ZNF75A: variants seen among roughly 807,000 people sequenced by gnomAD.
ZNF75A encodes the protein zinc finger protein 75A.
In ZNF75A, 36 loss-of-function variants were observed where a neutral mutation model predicts 46.3. The ratio of observed to expected loss-of-function variants is 0.78; its 90% CI spans 0.60 to 1.03. ZNF75A has a LOEUF of 1.03. ZNF75A is among the 50% of genes least tolerant of loss of function. The pLI, the probability that ZNF75A is intolerant of heterozygous loss-of-function variation, is 0.00. For synonymous variants in ZNF75A, 234 were observed against 189.9 expected, an observed-to-expected ratio of 1.23 and a Z score of -1.91; for missense variants, 595 against 551.3, an observed-to-expected ratio of 1.08 and a Z score of -0.79.
chr16:3,317,995 A>T lies in ZNF75A; in HGVS notation c.*126A>T, dbSNP rs1357107847. ...ACATCAGAAAATGGGATAAACATAC[A>T]TTTCACAGAAAATAATCAAGACTTG... is the stretch of plus-strand genomic sequence containing the variant. On this transcript the variant is annotated 3_prime_UTR_variant, in exon 7 of 7. Transcript: ENST00000669516. The T allele has an allele frequency of 2.8e-6, 4 of 1,430,614 alleles. No individual in the cohort carries two copies. The African/African-American group carries it at 4.3e-5, about 15-fold the overall frequency. 88.6% of individuals were successfully genotyped at this position (1,430,614 alleles called of 1,614,324 possible).
chr16:3,319,415 T>C (rs1961439562), downstream of ZNF75A, among the ~76,000 whole-genome samples: 1 of 152,156 alleles, frequency 6.6e-6, no homozygotes, highest in African/African-American at 2.4e-5. Context: ...GTGCCCAGCC[T>C]ATACTAATTG....
Position 3,312,769 on chromosome 16 carries a change from G to A in ZNF75A, c.696+1G>A. ...TGAGCACGTCTTGCCTGAGTCCCAG[G>A]TGAGCTGTGCTTTCCAGCTGTTGAG... On this transcript the variant is annotated splice_donor_variant, in intron 4 of 6. Coordinates refer to ENST00000669516, the MANE Select transcript of ZNF75A (RefSeq NM_001302109.2). LOFTEE classifies it high-confidence loss of function. The A allele has an allele frequency of 2.7e-6, 3 of 1,104,370 alleles. No homozygotes were observed. The highest frequency in any genetic ancestry group is 3.3e-6 in the Non-Finnish European group (3 of 905,206). 68.4% of individuals were successfully genotyped at this position (1,104,370 alleles called of 1,614,324 possible). A position where few individuals can be genotyped will look rare whatever the true frequency, so the allele number is the denominator to read the frequency against.
rs1320906203 is a variant in ZNF75A, at chr16:3,318,218, A to C, written c.*349A>C. The C allele has an allele frequency of 9.9e-7, 1 of 1,015,222 alleles. No homozygotes were observed. Among genetic ancestry groups the C allele is most frequent in the Non-Finnish European group, 1.2e-6 (1 of 849,964 alleles). 62.9% of individuals were successfully genotyped at this position (1,015,222 alleles called of 1,614,324 possible). On this transcript the variant is annotated 3_prime_UTR_variant, in exon 7 of 7. Coordinates refer to ENST00000669516, the MANE Select transcript of ZNF75A (RefSeq NM_001302109.2). ...CAGGCTTACCAATTTCCATAGTCTC[A>C]TGAGGCCGAAATGAATTACAATGTA...
At chr16:3,313,587 C>T (rs1960975813) in intron 5 of ZNF75A, among the ~76,000 whole-genome samples, 1 of 152,210 alleles carries the variant, frequency 6.6e-6, no homozygotes, top group Non-Finnish European at 1.5e-5. Flanking sequence ...AATGTCTCAT[C>T]TTCTTGCACT....
downstream of ZNF75A, chr16:3,323,341 C>T: frequency 9.0e-7 from 1 of 1,109,768 alleles, no homozygotes. Context: ...AAATGCTTCA[C>T]TGGGAGGCAA....
In ZNF75A at chr16:3,317,845, T is replaced by G. The variant is rs745599072; in HGVS notation, c.1590T>G (p.Leu530=). The part of the protein sequence containing the change: ...RRNFSRRSSL[L]RHQKLHL ...ACTTCAGCAGGCGGTCAAGCCTTCT[T>G]AGACACCAGAAACTCCACCTGTGAA... is the stretch of plus-strand genomic sequence containing the variant. The change falls in exon 7 of 7, where the codon CTT becomes CTG. Residue 530 remains leucine (L), a synonymous_variant. Transcript: ENST00000669516. 6.8e-6 allele frequency: 11 copies of G among 1,610,578 alleles called. No individual in the cohort carries two copies. The highest frequency in any genetic ancestry group is 1.7e-4 in the Middle Eastern group (1 of 6,052).
At chr16:3,319,473 C>T (rs942630016), downstream of ZNF75A, among the ~76,000 whole-genome samples, 2 of 152,182 alleles carry the variant, frequency 1.3e-5, no homozygotes, top group African/African-American at 4.8e-5. Flanking sequence ...ATAGCTCTTA[C>T]CCAGCACCAC....
chr16:3,323,195 C>G (rs1380686419), downstream of ZNF75A: 3 of 695,054 alleles, frequency 4.3e-6, no homozygotes, highest in East Asian at 8.0e-5. Context: ...TCTAGTTCAG[C>G]TGGCAGATGA....
intron 5 of ZNF75A, chr16:3,315,048 A>G (rs1961098862): frequency 1.0e-6 from 1 of 985,112 alleles, no homozygotes; most frequent in Non-Finnish European, 1.2e-6. Context: ...TTCCAGATGT[A>G]CGTGCTCATT....
At chr16:3,309,726 C>T (rs908861718) in intron 2 of ZNF75A, among the ~76,000 whole-genome samples, 14 of 147,178 alleles carry the variant, frequency 9.5e-5, no homozygotes, top group Non-Finnish European at 1.6e-4. Flanking sequence ...ATTGCACTCC[C>T]TTGGGTGACA....
In ZNF75A at chr16:3,317,696, A is replaced by C. The variant is rs1357139203; in HGVS notation, c.1441A>C (p.Thr481Pro). The change falls in exon 7 of 7, where the codon ACA (threonine) becomes CCA (proline). Residue 481 changes from threonine to proline, a missense_variant. Physicochemically the swap from Thr to Pro is conservative, Grantham distance 38 (BLOSUM62 -1). Coordinates refer to ENST00000669516, the MANE Select transcript of ZNF75A (RefSeq NM_001302109.2). ...TNLHTHQRTH[T>P]GEKPFTCHEC... ...TTTACATACACACCAAAGAACTCAT[A>C]CAGGAGAAAAGCCCTTCACATGTCA... The C allele has an allele frequency of 1.2e-6, 2 of 1,614,234 alleles. No individual in the cohort carries two copies. Among genetic ancestry groups the C allele is most frequent in the Non-Finnish European group, 1.7e-6 (2 of 1,180,034 alleles).
chr16:3,317,407 G>A lies in ZNF75A; in HGVS notation c.1152G>A (p.Glu384=). The A allele has an allele frequency of 1.2e-6, 2 of 1,614,156 alleles. No individual in the cohort carries two copies. Among genetic ancestry groups the A allele is most frequent in the Non-Finnish European group, 1.7e-6 (2 of 1,180,028 alleles). The change falls in exon 7 of 7, where the codon GAG becomes GAA. Residue 384 remains glutamate, a synonymous_variant. Transcript: ENST00000669516. The part of the protein sequence containing the change: ...KRKKLSTWKQ[E]LLKLMDRHKK... ...AGAAACTTTCAACCTGGAAACAAGA[G>A]CTGCTCAAACTTATGGATCGTCACA...
At chr16:3,320,595 A>G (rs181232340), downstream of ZNF75A, among the ~76,000 whole-genome samples, 368 of 152,312 alleles carry the variant, frequency 2.4e-3, 1 homozygote, top group Non-Finnish European at 3.1e-3. Context: ...TCAAGGGGAC[A>G]AGGCAACCCT....
chr16:3,313,176 G>A lies in ZNF75A; in HGVS notation c.823+1G>A, dbSNP rs1365603730. On this transcript the variant is annotated splice_donor_variant, in intron 5 of 6. Transcript: ENST00000669516. LOFTEE classifies it high-confidence loss of function. ...AACTATGAGACTGTCATCTCTCTAG[G>A]TAAAGATTTTCCCTTCCCTTTATGT... The A allele has an allele frequency of 6.2e-7, 1 of 1,613,178 alleles. No individual in the cohort carries two copies. Among genetic ancestry groups the A allele is most frequent in the Non-Finnish European group, 8.5e-7 (1 of 1,179,614 alleles).
At chr16:3,313,356 C>G (rs114843841) in intron 5 of ZNF75A, among the ~76,000 whole-genome samples, 181 bp downstream of exon 5, 2 of 152,274 alleles carry the variant, frequency 1.3e-5, no homozygotes, top group Non-Finnish European at 2.9e-5. Context: ...ATGTACATGC[C>G]GATTGCTTAT....
chr16:3,322,149 A>C (rs78922052), downstream of ZNF75A, among the ~76,000 whole-genome samples: 1 of 152,078 alleles, frequency 6.6e-6, no homozygotes, highest in Non-Finnish European at 1.5e-5. Context: ...ATTCTCTCCT[A>C]TGTAGACTCT....
chr16:3,309,270 A>T (rs1311316615), intron 2 of ZNF75A: 1 of 152,014 alleles, frequency 6.6e-6, no homozygotes, highest in African/African-American at 2.4e-5. Flanking sequence ...CAGCCTGGAC[A>T]GCATGGTGGA....
intron 2 of ZNF75A, chr16:3,309,364 G>A (rs1195284785): frequency 1.3e-5 from 2 of 150,578 alleles, no homozygotes; most frequent in African/African-American, 4.9e-5. Flanking sequence ...GCTGAGGAGG[G>A]AGAATCATTT....
chr16:3,306,973 A>G (rs921120562), intron 1 of ZNF75A: 8 of 147,256 alleles, frequency 5.4e-5, no homozygotes, highest in African/African-American at 1.5e-4. Context: ...TTTTTTGGAG[A>G]TGGAATCTCG....
Sources: gnomAD v4.1 joint callset for allele counts (sites outside exome capture counted in the v4.1 genomes callset) on GRCh38, gnomAD v4.1.1 for gene constraint, MANE v1.5 for transcripts, NCBI Gene and HGNC (gene_info 2026-07-23, HGNC 2026-07-21) for gene names.